The following PPM1E variants were observed in gnomAD, a reference collection of about 807,000 sequenced individuals.
PPM1E encodes the protein protein phosphatase 1E.
A neutral mutation model predicts 65.9 loss-of-function variants in PPM1E; 20 were observed. That is an observed-to-expected ratio of 0.30 (90% CI 0.21 to 0.44). The LOEUF is 0.44. Ranked by LOEUF, PPM1E falls within the 20% of genes least tolerant of loss-of-function variation. The probability of loss-of-function intolerance (pLI) is 1.00; values close to 1 mark genes in which losing one functional copy is unlikely to be tolerated. For synonymous variants in PPM1E, 352 were observed against 374.9 expected (o/e 0.94, Z 0.70); for missense variants, 713 against 953.1 (o/e 0.75, Z 3.32).
intron 1 of PPM1E, among the ~76,000 whole-genome samples, chr17:58,921,707 G>A (rs1356611678): frequency 1.3e-5 from 2 of 151,302 alleles, no homozygotes; most frequent in African/African-American, 4.9e-5. Context: ...AGAAGAGATG[G>A]CCTTAGATAG....
chr17:58,835,727 T>G (rs2050649455), intron 1 of PPM1E, among the ~76,000 whole-genome samples: 1 of 151,376 alleles, frequency 6.6e-6, no homozygotes, highest in East Asian at 1.9e-4. Context: ...AAATTAGCCG[T>G]GCATGGTGGT....
intron 1 of PPM1E, among the ~76,000 whole-genome samples, chr17:58,847,519 A>C (rs1353119643): frequency 1.3e-5 from 2 of 152,188 alleles, no homozygotes; most frequent in African/African-American, 4.8e-5. Flanking sequence ...ACCATTTATT[A>C]AATAGGGAAT....
At chr17:58,961,757 A>C (rs1341181325) in intron 2 of PPM1E, among the ~76,000 whole-genome samples, 1 of 141,296 alleles carries the variant, frequency 7.1e-6, no homozygotes, top group Non-Finnish European at 1.6e-5. Flanking sequence ...CGAGCAATTG[A>C]AATAGAGCTA....
intron 1 of PPM1E, among the ~76,000 whole-genome samples, chr17:58,895,701 C>T (rs1289119012): frequency 6.6e-6 from 1 of 152,052 alleles, no homozygotes; most frequent in Non-Finnish European, 1.5e-5. Context: ...CTCTCAGCTA[C>T]TCGGGAGGCT....
chr17:58,859,466 C>G (rs1170642243), intron 1 of PPM1E, among the ~76,000 whole-genome samples: 1 of 152,156 alleles, frequency 6.6e-6, no homozygotes, highest in African/African-American at 2.4e-5. Flanking sequence ...ATGGTTTTGG[C>G]TTCTTTTATT....
intron 1 of PPM1E, among the ~76,000 whole-genome samples, chr17:58,938,054 T>A (rs541412719): frequency 6.6e-6 from 1 of 152,222 alleles, no homozygotes; most frequent in Admixed American, 6.5e-5. Flanking sequence ...TATTCCTAAT[T>A]ATTTATAGAA....
intron 1 of PPM1E, among the ~76,000 whole-genome samples, chr17:58,873,003 G>A (rs563165263): frequency 5.9e-5 from 9 of 152,122 alleles, no homozygotes; most frequent in Admixed American, 6.6e-5. Context: ...AACTTGCAGC[G>A]GCATGCTACT....
intron 1 of PPM1E, among the ~76,000 whole-genome samples, chr17:58,831,463 G>T (rs1003979087): frequency 6.6e-6 from 1 of 152,120 alleles, no homozygotes; most frequent in Non-Finnish European, 1.5e-5. Flanking sequence ...TTGTGTCTTT[G>T]AATATTCTGT....
intron 1 of PPM1E, among the ~76,000 whole-genome samples, chr17:58,842,120 G>C (rs2050725550): frequency 6.6e-6 from 1 of 152,112 alleles, no homozygotes; most frequent in Non-Finnish European, 1.5e-5. Flanking sequence ...GGGACTACAG[G>C]CATGGGAGCC....
At chr17:58,792,741 C>CCCTT (rs2050168136) in intron 1 of PPM1E, among the ~76,000 whole-genome samples, 1 of 100,274 alleles carries the variant, frequency 1.0e-5, no homozygotes, top group African/African-American at 4.6e-5. Context: ...AAGAATTTTA[C>CCCTT]TCTTTTTTTT....
At chr17:58,767,285 T>G (rs1296267812) in intron 1 of PPM1E, among the ~76,000 whole-genome samples, 2 of 152,174 alleles carry the variant, frequency 1.3e-5, no homozygotes, top group Non-Finnish European at 2.9e-5. Context: ...TTAACCTGTT[T>G]TGCAGATGAA....
At chr17:58,921,887 A>G (rs1206156558) in intron 1 of PPM1E, among the ~76,000 whole-genome samples, 2 of 151,740 alleles carry the variant, frequency 1.3e-5, no homozygotes, top group Non-Finnish European at 2.9e-5. Context: ...CTAAAAATAA[A>G]AAATTAGCCG....
chr17:58,883,171 C>A (rs1336708636), intron 1 of PPM1E, among the ~76,000 whole-genome samples: 1 of 151,714 alleles, frequency 6.6e-6, no homozygotes, highest in Non-Finnish European at 1.5e-5. Context: ...TTGGCCAGGG[C>A]TGGTCTTGAA....
rs1235831788 is a variant in PPM1E at position 58,816,549 on chromosome 17, TCTTC to T, written c.464+60094_464+60097del. Among the ~76,000 whole-genome samples, 5 of 151,120 alleles carry T rather than the reference TCTTC, an allele frequency of 3.3e-5. No individual in the cohort carries two copies. The East Asian group carries it at 9.7e-4, about 29-fold the overall frequency. On this transcript the variant is annotated intron_variant, in intron 1 of 6. Transcript: ENST00000308249. ...ACCCATTAAACAATAACTTTCCATT[TCTTC>T]CTTCCCCCATCCCCTGCCATCCCCT...
At chr17:58,812,389 A>T (rs2050377907) in intron 1 of PPM1E, among the ~76,000 whole-genome samples, 1 of 150,592 alleles carries the variant, frequency 6.6e-6, no homozygotes, top group Non-Finnish European at 1.5e-5. Flanking sequence ...ATAGCAGGAG[A>T]TATGTTTGAT....
chr17:58,973,652 A>G (rs28522476), intron 6 of PPM1E, among the ~76,000 whole-genome samples: 1 of 151,330 alleles, frequency 6.6e-6, no homozygotes, highest in Non-Finnish European at 1.5e-5. Flanking sequence ...TTAAAAAAAC[A>G]AAAAACAAAA....
intron 2 of PPM1E, 28 bp from the exon 3 acceptor site, chr17:58,965,666 A>G: frequency 6.2e-7 from 1 of 1,606,858 alleles, no homozygotes; most frequent in Non-Finnish European, 8.5e-7. Flanking sequence ...AAGGCTCTTC[A>G]TTGGGGGTTT....
chr17:58,827,022 G>A (rs927645950), intron 1 of PPM1E, among the ~76,000 whole-genome samples: 2 of 151,754 alleles, frequency 1.3e-5, no homozygotes, highest in Admixed American at 6.6e-5. Context: ...TCTCTTTCTC[G>A]GTCTTCTTTG....
Position 58,769,548 on chromosome 17 carries a change from G to A in PPM1E, c.464+13087G>A, listed in dbSNP as rs111991891. ...GGAGGCTGCCCTGAGCCCGGGAGGCGGAGGTTGCAGTGAATCAAGATCGCA... is the reference window on the plus strand; with the variant it reads ...GGAGGCTGCCCTGAGCCCGGGAGGCAGAGGTTGCAGTGAATCAAGATCGCA... On this transcript the variant is annotated intron_variant, in intron 1 of 6. Coordinates refer to ENST00000308249, the MANE Select transcript of PPM1E (RefSeq NM_014906.5). Among the ~76,000 whole-genome samples, 147 of 152,200 alleles carry A rather than the reference G, an allele frequency of 9.7e-4. 1 individual carries two copies. The highest frequency in any genetic ancestry group is 3.4e-3 in the African/African-American group (141 of 41,554).
Sources: allele counts gnomAD v4.1 joint callset (sites outside exome capture counted in the v4.1 genomes callset), GRCh38; gene constraint gnomAD v4.1.1; transcripts MANE v1.5; gene names NCBI Gene and HGNC (gene_info 2026-07-23, HGNC 2026-07-21).